Variants in BRD1 observed in about 807,000 individuals in gnomAD.
BRD1 encodes bromodomain containing 1, also known as bromodomain-containing protein 1.
In BRD1, 24 loss-of-function variants were observed where a neutral mutation model predicts 107.7. The ratio of observed to expected loss-of-function variants is 0.22; its 90% confidence interval spans 0.16 to 0.31. BRD1 has a LOEUF of 0.31. Among genes scored for constraint, BRD1 ranks in the 10% least tolerant of loss-of-function variants. The probability of loss-of-function intolerance (pLI) is 1.00; values close to 1 mark genes in which losing one functional copy is unlikely to be tolerated. For missense variants in BRD1, 1,279 were observed against 1,638.6 expected (o/e 0.78, Z 3.79); for synonymous variants, 744 against 686.1 (o/e 1.08, Z -1.32).
At chr22:49,797,198 C>T (rs1213670846) in intron 6 of BRD1, among the ~76,000 whole-genome samples, 1 of 152,226 alleles carries the variant, frequency 6.6e-6, no homozygotes, top group Non-Finnish European at 1.5e-5. Flanking sequence ...GGCTGCAACA[C>T]GTGCCTGGGC....
chr22:49,794,854 T>C (rs1053471747), intron 6 of BRD1, among the ~76,000 whole-genome samples: 2 of 152,242 alleles, frequency 1.3e-5, no homozygotes, highest in African/African-American at 4.8e-5. Flanking sequence ...ATTTCAGACG[T>C]ATTTACTACA....
At chr22:49,787,310 C>CCG (rs1555904870) in intron 8 of BRD1, 80 bp downstream of exon 8, 2 of 1,138,884 alleles carry the variant, frequency 1.8e-6, no homozygotes, top group East Asian at 6.8e-5. Context: ...CCCCCCCCCC[C>CCG]CCGTCACACC....
chr22:49,822,567 G>A (rs115124944), intron 2 of BRD1, among the ~76,000 whole-genome samples: 40 of 152,040 alleles, frequency 2.6e-4, no homozygotes, highest in East Asian at 1.7e-3. Flanking sequence ...AAAATTTGTC[G>A]GGCATGGTGG....
intron 7 of BRD1, among the ~76,000 whole-genome samples, chr22:49,788,390 T>C (rs1448812757): frequency 6.7e-6 from 1 of 149,204 alleles, no homozygotes; most frequent in African/African-American, 2.5e-5. Flanking sequence ...AAACAGGGAG[T>C]GGTGAGTGGC....
In BRD1 at chr22:49,824,336, A is replaced by C; in HGVS notation, c.-14-5T>G. ...TCCTCATTTGGTAATGATTACCTAA[A>C]ATGAAGGCAAAAGTAAAGGTAATTC... On this transcript the variant is annotated splice_region_variant and splice_polypyrimidine_tract_variant and intron_variant, in intron 1 of 12. Coordinates refer to ENST00000404760, the MANE Select transcript of BRD1 (RefSeq NM_001304808.3). The surrounding 1 kb of genome is among the most constrained non-coding windows in gnomAD (Gnocchi z 5.9). The C allele has an allele frequency of 6.2e-7, 1 of 1,609,464 alleles. No individual in the cohort carries two copies. Among genetic ancestry groups the C allele is most frequent in the Non-Finnish European group, 8.5e-7 (1 of 1,176,934 alleles).
At chr22:49,818,047 G>C (rs922870919) in intron 2 of BRD1, among the ~76,000 whole-genome samples, 1 of 152,202 alleles carries the variant, frequency 6.6e-6, no homozygotes, top group African/African-American at 2.4e-5. Context: ...AGTTCGCCAC[G>C]TATTTTCACC....
chr22:49,801,872 G>A (rs948353714), intron 3 of BRD1, among the ~76,000 whole-genome samples: 3 of 152,264 alleles, frequency 2.0e-5, no homozygotes, highest in South Asian at 2.1e-4. Context: ...CTGGGTCCCC[G>A]TGGCCCCTGC....
intron 8 of BRD1, among the ~76,000 whole-genome samples, chr22:49,786,327 T>C (rs1002579276): frequency 4.6e-5 from 7 of 152,110 alleles, no homozygotes; most frequent in Non-Finnish European, 1.0e-4. Context: ...CTGCTCCTCT[T>C]TAAAGGACAA....
At position 49,775,997 on chromosome 22, in the gene BRD1, G is replaced by A. The variant is rs555519288; in HGVS notation, c.3231+53C>T. 279 of 1,491,204 alleles carry A rather than the reference G, an allele frequency of 1.9e-4. 1 individual carries two copies. The highest frequency in any genetic ancestry group is 1.1e-3 in the Middle Eastern group (6 of 5,396). The allele number at this position is 1,491,204 out of a possible 1,614,324, so 92.4% of individuals were successfully genotyped here. ...AGCCTCCTCGGACCACCCCCGCCCC[G>A]CAGCTGTGTGAGCCTCCTCTGGACC... On this transcript the variant is annotated intron_variant, in intron 11 of 12. Coordinates refer to ENST00000404760, the MANE Select transcript of BRD1 (RefSeq NM_001304808.3).
rs182058704 is a variant in BRD1 at position 49,781,795 on chromosome 22, G to C, written c.2858-3982C>G. 2.6e-5 allele frequency among the ~76,000 whole-genome samples: 4 copies of C among 152,412 alleles called. No homozygotes were observed. The East Asian group carries it at 7.7e-4, about 29-fold the overall frequency. On this transcript the variant is annotated intron_variant, in intron 8 of 12. Coordinates refer to ENST00000404760, the MANE Select transcript of BRD1 (RefSeq NM_001304808.3). Reference sequence around the variant, plus strand: ...TTCACTTTTACCATCGTTAAAAGAAGAGCAGTTTTGGTGCATTTTTCAACC... The same window carrying C: ...TTCACTTTTACCATCGTTAAAAGAACAGCAGTTTTGGTGCATTTTTCAACC...
At chr22:49,775,989 C>G in intron 11 of BRD1, 61 bp downstream of exon 11, 2 of 1,490,746 alleles carry the variant, frequency 1.3e-6, no homozygotes, top group African/African-American at 1.4e-5. Context: ...TCGGACCACC[C>G]CCGCCCCGCA....
chr22:49,820,530 C>T (rs2060045938), intron 2 of BRD1, among the ~76,000 whole-genome samples: 1 of 152,174 alleles, frequency 6.6e-6, no homozygotes, highest in Admixed American at 6.5e-5. Context: ...CGCTTGAGTC[C>T]AAGAGTTTGA....
At chr22:49,814,754 G>A (rs1374736678) in intron 2 of BRD1, among the ~76,000 whole-genome samples, 1 of 152,230 alleles carries the variant, frequency 6.6e-6, no homozygotes, top group Admixed American at 6.5e-5. Context: ...CACCTAGGCT[G>A]GAGCAGAGGT....
At chr22:49,777,338 A>C (rs1215076730) in intron 9 of BRD1, among the ~76,000 whole-genome samples, 177 bp from the exon 10 acceptor site, 3 of 152,094 alleles carry the variant, frequency 2.0e-5, no homozygotes, top group African/African-American at 7.2e-5. Context: ...GGCAGGGGGG[A>C]CTCAGGAGGC....
chr22:49,825,234 C>A (rs1044582763), intron 1 of BRD1, among the ~76,000 whole-genome samples: 2 of 152,150 alleles, frequency 1.3e-5, no homozygotes, highest in African/African-American at 4.8e-5. Flanking sequence ...TCTGTTCTCC[C>A]CGGCACACGT....
chr22:49,826,395 G>C (rs2060149282), intron 1 of BRD1: 1 of 307,480 alleles, frequency 3.3e-6, no homozygotes, highest in African/African-American at 2.3e-5. Context: ...GACCTCCTCT[G>C]CTTCACCGCT....
chr22:49,812,106 T>A (rs926652141), intron 2 of BRD1, among the ~76,000 whole-genome samples: 1 of 131,132 alleles, frequency 7.6e-6, no homozygotes, highest in Non-Finnish European at 1.5e-5. Flanking sequence ...GTCTGCTCCT[T>A]TTTTTTTTTT....
At position 49,787,661 on chromosome 22, in the gene BRD1, C is replaced by G. The variant is rs1161506003; in HGVS notation, c.2586G>C (p.Val862=). Reference sequence around the variant, plus strand: ...CCACCGCGGAGGCCGCCGCCGCCGGCACATCGCCACTACTGGCGCGGGTGG... The same window carrying G: ...CCACCGCGGAGGCCGCCGCCGCCGGGACATCGCCACTACTGGCGCGGGTGG... The part of the protein sequence containing the change: ...PEPTRASSGD[V]PAAAASAVAE... Residue 862 remains valine (V), a synonymous_variant, in exon 8 of 13, where the codon GTG becomes GTC. Transcript: ENST00000404760. 2 of 1,550,630 alleles carry G rather than the reference C, an allele frequency of 1.3e-6. No individual in the cohort carries two copies. Among genetic ancestry groups the G allele is most frequent in the Non-Finnish European group, 1.7e-6 (2 of 1,146,980 alleles).
chr22:49,826,737 T>C (rs1434647301), intron 1 of BRD1, among the ~76,000 whole-genome samples: 1 of 152,152 alleles, frequency 6.6e-6, no homozygotes, highest in Non-Finnish European at 1.5e-5. Context: ...TTCCACTAAC[T>C]ACACAACCAC....
Sources: allele counts gnomAD v4.1 joint callset (sites outside exome capture counted in the v4.1 genomes callset), GRCh38; gene constraint gnomAD v4.1.1; non-coding constraint Gnocchi (gnomAD v3.1); transcripts MANE v1.5; gene names NCBI Gene and HGNC (gene_info 2026-07-23, HGNC 2026-07-21).